Variants in SLC10A7 observed in about 807,000 individuals in gnomAD.
SLC10A7 encodes solute carrier family 10 member 7, also known as sodium/bile acid cotransporter 7.
Under a neutral mutation model 43.2 loss-of-function variants are expected in SLC10A7, and 29 were observed. That is an observed-to-expected ratio of 0.67 (90% CI 0.50 to 0.92). The LOEUF is 0.92. SLC10A7 is among the 40% of genes least tolerant of loss of function. The probability of loss-of-function intolerance (pLI) is 0.00; values close to 1 mark genes in which losing one functional copy is unlikely to be tolerated. For synonymous variants in SLC10A7, 152 were observed against 144.8 expected, an observed-to-expected ratio of 1.05 and a Z score of -0.35; for missense variants, 295 against 403.2, an observed-to-expected ratio of 0.73 and a Z score of 2.30.
At chr4:146,418,008 T>G (rs1728695466) in intron 5 of SLC10A7, among the ~76,000 whole-genome samples, 1 of 137,318 alleles carries the variant, frequency 7.3e-6, no homozygotes, top group African/African-American at 3.5e-5. Context: ...GAACAGATGA[T>G]GATGATGATG....
In SLC10A7 at chr4:146,290,526, CA is replaced by C. The variant is rs548477155; in HGVS notation, c.773+2402del. On this transcript the variant is annotated intron_variant, in intron 9 of 11. Transcript: ENST00000335472. ...GTTCAAGCTATATGCTGTCGTTTAT[CA>C]AAGAAAGTGCTGGTTTGACTGTAAG... is the stretch of plus-strand genomic sequence containing the variant. Among the ~76,000 whole-genome samples, 314 of 151,970 alleles carry C rather than the reference CA, an allele frequency of 2.1e-3. 1 individual carries two copies. Among genetic ancestry groups the C allele is most frequent in the Middle Eastern group, 0.02 (6 of 294 alleles).
chr4:146,508,278 T>C (rs531667184), intron 3 of SLC10A7, among the ~76,000 whole-genome samples: 2 of 152,296 alleles, frequency 1.3e-5, no homozygotes, highest in South Asian at 4.1e-4. Context: ...TATATGTCCT[T>C]TATAACCAAC....
intron 4 of SLC10A7, among the ~76,000 whole-genome samples, chr4:146,467,382 A>T (rs1214925669): frequency 2.0e-5 from 3 of 150,738 alleles, no homozygotes. Flanking sequence ...GCTAGCTATT[A>T]CTTTTTCCTT....
chr4:146,430,672 A>G (rs1301169392), intron 5 of SLC10A7, among the ~76,000 whole-genome samples: 1 of 152,212 alleles, frequency 6.6e-6, no homozygotes, highest in Non-Finnish European at 1.5e-5. Flanking sequence ...AGGAAAAGTA[A>G]ACAAGTGTAG....
At chr4:146,315,765 T>C (rs1355191569) in intron 6 of SLC10A7, among the ~76,000 whole-genome samples, 1 of 152,104 alleles carries the variant, frequency 6.6e-6, no homozygotes, top group Non-Finnish European at 1.5e-5. Flanking sequence ...CAATACACAA[T>C]AGGTTTCAAT....
At chr4:146,453,348 C>T (rs1343223715) in intron 4 of SLC10A7, among the ~76,000 whole-genome samples, 37 of 151,786 alleles carry the variant, frequency 2.4e-4, no homozygotes, top group Admixed American at 1.3e-4. Context: ...CAGAGCCGGC[C>T]GACAGTGATA....
rs745818711 is a variant in SLC10A7, at chr4:146,442,790, C to G, written c.428G>C (p.Ser143Thr). 2 of 1,601,458 alleles carry G rather than the reference C, an allele frequency of 1.2e-6. No homozygotes were observed. Among genetic ancestry groups the G allele is most frequent in the South Asian group, 2.3e-5 (2 of 88,038 alleles). Residue 143 changes from serine to threonine, a missense_variant, in exon 5 of 12, where the codon AGT (serine) becomes ACT (threonine). By Grantham distance (58) the Ser-to-Thr change is moderately conservative. Transcript: ENST00000335472. ...TAAACTATGTTTACTTACCAAAAAA[C>G]TTCCAAAGGCTGAATTAAATATTGC... The part of the protein sequence containing the change: ...AAAIFNSAFG[S>T]FLGIVITPLL...
chr4:146,513,394 ATAT>A (rs1424905341), intron 2 of SLC10A7, among the ~76,000 whole-genome samples: 1 of 152,196 alleles, frequency 6.6e-6, no homozygotes, highest in African/African-American at 2.4e-5. Flanking sequence ...TATTTGTAAA[ATAT>A]TATGCATATA....
At chr4:146,483,225 T>C (rs1734636090) in intron 4 of SLC10A7, among the ~76,000 whole-genome samples, 1 of 152,194 alleles carries the variant, frequency 6.6e-6, no homozygotes, top group East Asian at 1.9e-4. Context: ...GTGTAAATCA[T>C]ACATATTTCT....
intron 5 of SLC10A7, among the ~76,000 whole-genome samples, chr4:146,439,251 T>C (rs187716895): frequency 1.3e-5 from 2 of 152,192 alleles, no homozygotes; most frequent in African/African-American, 4.8e-5. Flanking sequence ...CTATAATAAT[T>C]AGTTCCTAAA....
intron 4 of SLC10A7, among the ~76,000 whole-genome samples, chr4:146,486,610 T>C (rs949302991): frequency 2.6e-5 from 4 of 152,232 alleles, no homozygotes; most frequent in African/African-American, 7.2e-5. Flanking sequence ...TGGGATATAT[T>C]TGTGGCTGTT....
intron 9 of SLC10A7, among the ~76,000 whole-genome samples, chr4:146,285,158 A>G (rs1729808615): frequency 6.6e-6 from 1 of 152,104 alleles, no homozygotes; most frequent in Admixed American, 6.6e-5. Flanking sequence ...TATGATCAGG[A>G]GTATGGAGTT....
intron 5 of SLC10A7, among the ~76,000 whole-genome samples, chr4:146,392,479 T>G (rs1286651546): frequency 7.9e-5 from 12 of 152,178 alleles, no homozygotes; most frequent in Non-Finnish European, 1.5e-5. Context: ...GTATATATTT[T>G]TATGTTTATA....
chr4:146,277,505 C>T (rs1729282140), intron 10 of SLC10A7, among the ~76,000 whole-genome samples: 4 of 152,122 alleles, frequency 2.6e-5, no homozygotes, highest in Admixed American at 2.6e-4. Context: ...AAATGACAGA[C>T]ACTCCCTCAC....
At chr4:146,369,606 A>G (rs1467405733) in intron 5 of SLC10A7, among the ~76,000 whole-genome samples, 3 of 152,152 alleles carry the variant, frequency 2.0e-5, no homozygotes, top group African/African-American at 7.2e-5. Flanking sequence ...AACATGAGGG[A>G]TCTCCAGCAG....
chr4:146,350,121 C>T (rs902872038), intron 5 of SLC10A7, among the ~76,000 whole-genome samples: 5 of 150,244 alleles, frequency 3.3e-5, no homozygotes, highest in South Asian at 4.4e-4. Context: ...TCTGAGGTAC[C>T]GGGTTCATCT....
At chr4:146,512,651 C>G (rs1299948056) in intron 2 of SLC10A7, among the ~76,000 whole-genome samples, 2 of 152,100 alleles carry the variant, frequency 1.3e-5, no homozygotes, top group East Asian at 3.9e-4. Context: ...CAACTCATTC[C>G]TTCATTTAAG....
At chr4:146,502,813 C>T (rs552538617) in intron 4 of SLC10A7, among the ~76,000 whole-genome samples, 1 of 152,226 alleles carries the variant, frequency 6.6e-6, no homozygotes. Context: ...CTAAAAAACG[C>T]AAACTAATCT....
At chr4:146,446,407 C>T (rs1340678030) in intron 4 of SLC10A7, among the ~76,000 whole-genome samples, 1 of 152,092 alleles carries the variant, frequency 6.6e-6, no homozygotes. Context: ...TGAAACCTGT[C>T]TCTCCTAAAA....
Sources: allele counts gnomAD v4.1 joint callset (sites outside exome capture counted in the v4.1 genomes callset), GRCh38; gene constraint gnomAD v4.1.1; transcripts MANE v1.5; gene names NCBI Gene and HGNC (gene_info 2026-07-23, HGNC 2026-07-21).